SGCG: variants seen among roughly 807,000 people sequenced by gnomAD.
SGCG encodes the protein gamma-sarcoglycan.
A neutral mutation model predicts 29.3 loss-of-function variants in SGCG; 26 were observed. The ratio of observed to expected loss-of-function variants is 0.89; its 90% CI spans 0.65 to 1.23. The LOEUF (loss-of-function observed/expected upper bound fraction) is 1.23, where lower values mean the gene tolerates loss of function less well. Ranked by LOEUF, SGCG falls within the 50% of genes most tolerant of loss-of-function variation. The probability of loss-of-function intolerance (pLI) is 0.00; values close to 1 mark genes in which losing one functional copy is unlikely to be tolerated. For missense variants in SGCG, 353 were observed against 356.0 expected (o/e 0.99, Z 0.07); for synonymous variants, 145 against 129.7 (o/e 1.12, Z -0.80).
intron 3 of SGCG, among the ~76,000 whole-genome samples, chr13:23,249,289 TGGG>T (rs1879866808): frequency 6.6e-6 from 1 of 152,184 alleles, no homozygotes; most frequent in African/African-American, 2.4e-5. Context: ...TAGTGGTCCC[TGGG>T]ATATTAGTCT....
chr13:23,200,247 A>AC (rs1352266810), intron 1 of SGCG, among the ~76,000 whole-genome samples: 3 of 151,862 alleles, frequency 2.0e-5, no homozygotes, highest in African/African-American at 2.4e-5. Context: ...ACATGGTGAA[A>AC]CCCCGTCTCT....
chr13:23,233,868 T>C (rs1306438651), intron 2 of SGCG, among the ~76,000 whole-genome samples: 1 of 152,300 alleles, frequency 6.6e-6, no homozygotes, highest in East Asian at 1.9e-4. Flanking sequence ...AATGTGGTTC[T>C]GCAGGTGGGA....
intron 4 of SGCG, among the ~76,000 whole-genome samples, chr13:23,252,670 G>T (rs886603247): frequency 2.0e-5 from 3 of 151,920 alleles, no homozygotes; most frequent in Non-Finnish European, 4.4e-5. Context: ...CAGCCTGGGC[G>T]ACAGAGTGAG....
At chr13:23,312,171 C>T (rs1203066421) in intron 6 of SGCG, among the ~76,000 whole-genome samples, 3 of 152,214 alleles carry the variant, frequency 2.0e-5, no homozygotes, top group African/African-American at 7.2e-5. Context: ...ATGTCATATT[C>T]ATAGAATCCT....
chr13:23,218,917 A>G (rs983479392), intron 2 of SGCG, among the ~76,000 whole-genome samples: 2 of 147,868 alleles, frequency 1.4e-5, no homozygotes, highest in Admixed American at 6.7e-5. Flanking sequence ...ATATAAATAT[A>G]TATATTATTT....
intron 1 of SGCG, among the ~76,000 whole-genome samples, chr13:23,196,786 C>A (rs1877530032): frequency 6.6e-6 from 1 of 152,006 alleles, no homozygotes; most frequent in Non-Finnish European, 1.5e-5. Flanking sequence ...TGTTGGAGCT[C>A]TTTCAGAATG....
At chr13:23,188,406 A>G (rs1015183269) in intron 1 of SGCG, among the ~76,000 whole-genome samples, 1 of 138,462 alleles carries the variant, frequency 7.2e-6, no homozygotes, top group Non-Finnish European at 1.5e-5. Context: ...GCTCACTGCA[A>G]TCTCCACCTC....
chr13:23,165,149 A>T, the SGCG span, among the ~76,000 whole-genome samples: 3 of 152,194 alleles, frequency 2.0e-5, no homozygotes, highest in Admixed American at 2.0e-4. Flanking sequence ...AAAAATTATT[A>T]TCAGCCTAGC....
intron 6 of SGCG, among the ~76,000 whole-genome samples, chr13:23,314,933 C>A (rs1417785960): frequency 2.6e-5 from 4 of 152,100 alleles, no homozygotes; most frequent in African/African-American, 9.7e-5. Context: ...ATCGAGTGAC[C>A]CAAAAGGCTG....
chr13:23,165,457 A>G, the SGCG span, among the ~76,000 whole-genome samples: 1 of 152,274 alleles, frequency 6.6e-6, no homozygotes, highest in Admixed American at 6.5e-5. Flanking sequence ...GAGGAGATGA[A>G]CAGTGAATTT....
rs527586351 is a variant in SGCG, at chr13:23,225,221, G to A, written c.196-9390G>A. On this transcript the variant is annotated intron_variant, in intron 2 of 7. Transcript: ENST00000218867. Reference sequence around the variant, plus strand: ...AAAGTCCACATCCTAACACCCAAATGTTACCTTCCATGGCCGAAGGGACTT... The same window carrying A: ...AAAGTCCACATCCTAACACCCAAATATTACCTTCCATGGCCGAAGGGACTT... Among the ~76,000 whole-genome samples, 9 of 152,264 alleles carry A rather than the reference G, an allele frequency of 5.9e-5. No homozygotes were observed. In the South Asian group the frequency reaches 1.7e-3, roughly 28 times the overall value.
chr13:23,164,182 T>C, the SGCG span, among the ~76,000 whole-genome samples: 1 of 152,146 alleles, frequency 6.6e-6, no homozygotes, highest in African/African-American at 2.4e-5. Flanking sequence ...AAAATATGTA[T>C]TATTTGTTTA....
chr13:23,250,689 AG>A lies in SGCG; in HGVS notation c.361del (p.Glu121ArgfsTer6), dbSNP rs1879928532. The A allele has an allele frequency of 6.2e-7, 1 of 1,611,944 alleles. No individual in the cohort carries two copies. The highest frequency in any genetic ancestry group is 8.5e-7 in the Non-Finnish European group (1 of 1,178,156). On this transcript the variant is annotated frameshift_variant, in exon 4 of 8. Coordinates refer to ENST00000218867, the MANE Select transcript of SGCG (RefSeq NM_000231.3). LOFTEE classifies it high-confidence loss of function. ...NVTVNARNSE[G>X]EVTGRLKVGP... ...TGACTGTAAATGCGCGCAACTCAGAAGGGGAGGTCACAGGCAGGTTAAAAGT... is the reference window on the plus strand; with the variant it reads ...TGACTGTAAATGCGCGCAACTCAGAAGGGAGGTCACAGGCAGGTTAAAAGT...
intron 3 of SGCG, among the ~76,000 whole-genome samples, chr13:23,240,026 C>G (rs1319666262): frequency 6.6e-6 from 1 of 152,032 alleles, no homozygotes; most frequent in Non-Finnish European, 1.5e-5. Context: ...GACTGTGAAA[C>G]TGAACACAGA....
chr13:23,161,344 G>C, the SGCG span, among the ~76,000 whole-genome samples: 1 of 152,148 alleles, frequency 6.6e-6, no homozygotes, highest in Admixed American at 6.5e-5. Flanking sequence ...ATGTTAGCAC[G>C]GCACCAGCCA....
At chr13:23,207,884 G>A (rs571175635) in intron 2 of SGCG, among the ~76,000 whole-genome samples, 5 of 152,258 alleles carry the variant, frequency 3.3e-5, no homozygotes, top group South Asian at 2.1e-4. Context: ...ATGGAAAACA[G>A]TATGGAAATT....
chr13:23,184,466 G>A (rs1030209538), intron 1 of SGCG, among the ~76,000 whole-genome samples: 2 of 151,758 alleles, frequency 1.3e-5, no homozygotes, highest in Admixed American at 6.6e-5. Flanking sequence ...ATAGATTACA[G>A]GCTACTTTAT....
At position 23,324,581 on chromosome 13, in the gene SGCG, C is replaced by T; in HGVS notation, c.*40C>T. The T allele has an allele frequency of 6.4e-7, 1 of 1,571,260 alleles. No homozygotes were observed. Among genetic ancestry groups the T allele is most frequent in the African/African-American group, 1.3e-5 (1 of 74,242 alleles). ...CTCGGTGAGCTGTGCAGTGCCGGCC[C>T]CAGATCCTCACACCCAGGGAGCAGC... On this transcript the variant is annotated 3_prime_UTR_variant, in exon 8 of 8. Transcript: ENST00000218867.
At chr13:23,299,626 G>A (rs1301002625) in intron 6 of SGCG, among the ~76,000 whole-genome samples, 1 of 150,522 alleles carries the variant, frequency 6.6e-6, no homozygotes, top group Non-Finnish European at 1.5e-5. Flanking sequence ...CTAATTTTTT[G>A]TATTTTTAGC....
Sources: allele counts gnomAD v4.1 joint callset (sites outside exome capture counted in the v4.1 genomes callset), GRCh38; gene constraint gnomAD v4.1.1; transcripts MANE v1.5; gene names NCBI Gene and HGNC (gene_info 2026-07-23, HGNC 2026-07-21).